CROCC2: variants seen among roughly 807,000 people sequenced by gnomAD.
CROCC2 encodes the protein ciliary rootlet coiled-coil, rootletin family member 2.
A neutral mutation model predicts 177.6 loss-of-function variants in CROCC2; 163 were observed. That is an observed-to-expected ratio of 0.92 (90% CI 0.81 to 1.05). The LOEUF is 1.05. Ranked by LOEUF, CROCC2 falls within the 50% of genes least tolerant of loss-of-function variation. The probability of loss-of-function intolerance (pLI) is 0.00; values close to 1 mark genes in which losing one functional copy is unlikely to be tolerated. For missense variants in CROCC2, 1,929 were observed against 1,797.8 expected, an observed-to-expected ratio of 1.07 and a Z score of -1.32; for synonymous variants, 904 against 787.3, an observed-to-expected ratio of 1.15 and a Z score of -2.48.
At chr2:240,947,787 C>T (rs373211954) in intron 15 of CROCC2, among the ~76,000 whole-genome samples, 188 of 152,270 alleles carry the variant, frequency 1.2e-3, no homozygotes, top group African/African-American at 4.5e-3. Flanking sequence ...GGAGTCCTGG[C>T]CCACTTGTCA....
At chr2:240,909,195 G>A (rs1190343589) in intron 1 of CROCC2, among the ~76,000 whole-genome samples, 8 of 122,416 alleles carry the variant, frequency 6.5e-5, no homozygotes, top group Non-Finnish European at 1.2e-4. Context: ...CTCCACCTGG[G>A]GTGAGCTCTA....
At chr2:240,929,446 G>A (rs1359684548) in intron 5 of CROCC2, among the ~76,000 whole-genome samples, 1 of 152,058 alleles carries the variant, frequency 6.6e-6, no homozygotes, top group Non-Finnish European at 1.5e-5. Flanking sequence ...GAGACTTCTG[G>A]CTTTCATCTT....
At chr2:240,910,474 A>G (rs928282088) in intron 1 of CROCC2, among the ~76,000 whole-genome samples, 4 of 152,182 alleles carry the variant, frequency 2.6e-5, no homozygotes, top group African/African-American at 9.7e-5. Flanking sequence ...GTTGTTCACA[A>G]TATCTTCTTC....
chr2:240,949,641 G>A lies in CROCC2; in HGVS notation c.2591G>A (p.Arg864Gln), dbSNP rs553516744. ...GCACAGCAGGAGCGGGAGGCACAGC[G>A]GGCCCTGGAGAGCCAGGCGTTGGCC... ...QVAQQEREAQ[R>Q]ALESQALAHR... The change falls in exon 17 of 32, where the codon CGG (arginine) becomes CAG (glutamine). Residue 864 changes from arginine (R) to glutamine (Q), a missense_variant. This residue lies in a region of CROCC2 where 1,397 missense variants were observed against 1,239.9 expected (regional missense o/e 1.13). Coordinates refer to ENST00000690015, the MANE Select transcript of CROCC2 (RefSeq NM_001351305.2). The surrounding 1 kb of genome is among the most constrained non-coding windows in gnomAD (Gnocchi z 4.5). 2.0e-3 allele frequency: 3,107 copies of A among 1,550,092 alleles called. 8 individuals carry two copies. The highest frequency in any genetic ancestry group is 2.3e-3 in the Non-Finnish European group (2,692 of 1,146,862).
chr2:240,993,181 G>C lies in CROCC2; in HGVS notation c.*100G>C, dbSNP rs1559195551. The C allele has an allele frequency of 1.5e-6, 1 of 685,698 alleles. No individual in the cohort carries two copies. The highest frequency in any genetic ancestry group is 2.7e-6 in the Non-Finnish European group (1 of 363,952). 42.5% of individuals were successfully genotyped at this position (685,698 alleles called of 1,614,324 possible). A position where few individuals can be genotyped will look rare whatever the true frequency, so the allele number is the denominator to read the frequency against. ...TGATTTCTCAGCGTCACAGTGAAAG[G>C]CACCCGTGATGAGACAGCTCGCTCT... On this transcript the variant is annotated 3_prime_UTR_variant, in exon 32 of 32. Transcript: ENST00000690015.
intron 27 of CROCC2, among the ~76,000 whole-genome samples, chr2:240,970,595 T>C (rs759296493): frequency 6.6e-6 from 1 of 152,156 alleles, no homozygotes; most frequent in Non-Finnish European, 1.5e-5. Context: ...GAGGGTCTTG[T>C]CCCTTCCCTT....
At chr2:240,962,068 ACGCACTCACACT>A (rs2059645808) in intron 20 of CROCC2, among the ~76,000 whole-genome samples, 2 of 120,466 alleles carry the variant, frequency 1.7e-5, no homozygotes, top group Non-Finnish European at 3.5e-5. Flanking sequence ...TCACACTCAC[ACGCACTCACACT>A]CACACACACA....
intron 19 of CROCC2, 73 bp downstream of exon 19, chr2:240,956,045 G>T: frequency 1.8e-6 from 2 of 1,125,876 alleles, no homozygotes; most frequent in Non-Finnish European, 2.6e-6. Flanking sequence ...CACCCCTCCT[G>T]CCTGGTCCCA....
At position 240,965,959 on chromosome 2, in the gene CROCC2, G is replaced by A; in HGVS notation, c.3927G>A (p.Trp1309Ter). 1 of 1,392,066 alleles carries A rather than the reference G, an allele frequency of 7.2e-7. No individual in the cohort carries two copies. Among genetic ancestry groups the A allele is most frequent in the Non-Finnish European group, 9.3e-7 (1 of 1,079,442 alleles). 86.2% of individuals were successfully genotyped at this position (1,392,066 alleles called of 1,614,324 possible). A position where few individuals can be genotyped will look rare whatever the true frequency, so the allele number is the denominator to read the frequency against. ...TGGGGCTCCAGAGACAGAGCCCGTG[G>A]GCCTCCCCGGAGCAGCCTGGTTCCC... ...RGLGLQRQSP[W>*]ASPEQPGSPT... is the part of the protein sequence containing the mutation. The change falls in exon 24 of 32, where the codon TGG (tryptophan) becomes TGA (stop). Residue 1309 changes from tryptophan to a stop codon, truncating the protein, a stop_gained. Transcript: ENST00000690015. LOFTEE classifies it high-confidence loss of function.
Position 240,934,343 on chromosome 2 carries a change from G to T in CROCC2, c.1659G>T (p.Leu553=). 6.5e-7 allele frequency: 1 copy of T among 1,548,604 alleles called. No homozygotes were observed. The highest frequency in any genetic ancestry group is 2.4e-5 in the East Asian group (1 of 40,916). The change falls in exon 12 of 32, where the codon CTG becomes CTT. Residue 553 remains leucine, a synonymous_variant. Transcript: ENST00000690015. ...TCTGGGGCCTCAGTCAAGGCCGCCT[G>T]CAGCAGCTGGAGGAGAAGGTCTCCG... ...CRALETSQGR[L]QQLEEKVSGL...
intron 14 of CROCC2, among the ~76,000 whole-genome samples, chr2:240,940,851 A>G (rs2059491225): frequency 6.6e-6 from 1 of 152,184 alleles, no homozygotes; most frequent in African/African-American, 2.4e-5. Context: ...AGCCGGAGCA[A>G]TCAGACAAGA....
At chr2:240,956,230 C>A in intron 19 of CROCC2, 1 of 509,470 alleles carries the variant, frequency 2.0e-6, no homozygotes, top group Non-Finnish European at 3.5e-6. Context: ...CTGGCAGGGG[C>A]CAGAGAGAGG....
At chr2:240,970,089 A>G (rs1053492164) in intron 27 of CROCC2, among the ~76,000 whole-genome samples, 1 of 152,216 alleles carries the variant, frequency 6.6e-6, no homozygotes. Context: ...GCCACATTTG[A>G]TCCAGTTCCT....
intron 14 of CROCC2, among the ~76,000 whole-genome samples, chr2:240,945,310 G>T (rs138500670): frequency 2.0e-3 from 304 of 152,290 alleles, no homozygotes; most frequent in Middle Eastern, 6.8e-3. Context: ...GGGATGATTC[G>T]CACGTGAGCT....
intron 19 of CROCC2, chr2:240,959,016 C>T (rs934192646): frequency 1.3e-5 from 5 of 370,914 alleles, no homozygotes; most frequent in African/African-American, 2.1e-5. Flanking sequence ...AGGGATGGGC[C>T]CTGCCCCAGG....
chr2:240,941,595 A>G (rs2059494874), intron 14 of CROCC2, among the ~76,000 whole-genome samples: 1 of 152,258 alleles, frequency 6.6e-6, no homozygotes. Flanking sequence ...CACTCTATTC[A>G]AGAAATGGTG....
chr2:240,907,622 A>C (rs1329546739), intron 1 of CROCC2, among the ~76,000 whole-genome samples: 2 of 152,170 alleles, frequency 1.3e-5, no homozygotes, highest in African/African-American at 2.4e-5. Flanking sequence ...GTTTGCTCAC[A>C]CACAGGGCTG....
In CROCC2 at chr2:240,964,450, G is replaced by A. The variant is rs1355138044; in HGVS notation, c.3306-16G>A. 1 of 1,548,294 alleles carries A rather than the reference G, an allele frequency of 6.5e-7. No individual in the cohort carries two copies. Among genetic ancestry groups the A allele is most frequent in the Admixed American group, 2.0e-5 (1 of 50,986 alleles). Reference sequence around the variant, plus strand: ...CCAGGAGGTGCGGGGGCCCCAGCCTGTGGCACCCTCGTCAGTTTTAAGCGG... The same window carrying A: ...CCAGGAGGTGCGGGGGCCCCAGCCTATGGCACCCTCGTCAGTTTTAAGCGG... On this transcript the variant is annotated splice_polypyrimidine_tract_variant and intron_variant, in intron 21 of 31. Transcript: ENST00000690015.
At chr2:240,967,081 C>T (rs1227661687) in intron 25 of CROCC2, among the ~76,000 whole-genome samples, 1 of 152,150 alleles carries the variant, frequency 6.6e-6, no homozygotes, top group Non-Finnish European at 1.5e-5. Context: ...CCACACCACA[C>T]CTGTGCTTGA....
Sources: gnomAD v4.1 joint callset for allele counts (sites outside exome capture counted in the v4.1 genomes callset) on GRCh38, gnomAD v4.1.1 for gene constraint, gnomAD v4.1.1 regional missense constraint, Gnocchi (gnomAD v3.1) non-coding constraint, MANE v1.5 for transcripts, NCBI Gene and HGNC (gene_info 2026-07-23, HGNC 2026-07-21) for gene names.